The following CGNL1 variants were observed in gnomAD, a reference collection of about 807,000 sequenced individuals.
CGNL1 encodes the protein cingulin-like protein 1.
Under a neutral mutation model 141.2 loss-of-function variants are expected in CGNL1, and 132 were observed. That is an observed-to-expected ratio of 0.93 (90% CI 0.81 to 1.08). The LOEUF (loss-of-function observed/expected upper bound fraction) is 1.08, where lower values mean the gene tolerates loss of function less well. Among genes scored for constraint, CGNL1 ranks in the 50% least tolerant of loss-of-function variants. The pLI, the probability that CGNL1 is intolerant of heterozygous loss-of-function variation, is 0.00. For synonymous variants in CGNL1, 690 were observed against 622.1 expected, an observed-to-expected ratio of 1.11 and a Z score of -1.63; for missense variants, 1,870 against 1,588.6, an observed-to-expected ratio of 1.18 and a Z score of -3.01.
At position 57,438,735 on chromosome 15, in the gene CGNL1, G is replaced by A; in HGVS notation, c.736G>A (p.Gly246Arg). 6.2e-7 allele frequency: 1 copy of A among 1,614,126 alleles called. No homozygotes were observed. ...NVQSCTKERVGEEALFTSGRP... is the reference protein window; with the variant it reads ...NVQSCTKERVREEALFTSGRP... ...TCAGAGCTGCACCAAGGAGAGGGTG[G>A]GAGAGGAGGCCCTTTTCACTAGCGG... The change falls in exon 2 of 19, where the codon GGA becomes AGA. Residue 246 changes from glycine (G) to arginine (R), a missense_variant. Gly to Arg is a moderately radical substitution (Grantham distance 125). Transcript: ENST00000281282.
intron 1 of CGNL1, among the ~76,000 whole-genome samples, chr15:57,391,167 T>G (rs943318743): frequency 1.3e-5 from 2 of 152,194 alleles, no homozygotes; most frequent in Non-Finnish European, 2.9e-5. Context: ...CTAGGGTCTG[T>G]CTTTCCACAC....
chr15:57,395,687 G>A lies in CGNL1; in HGVS notation c.-16+19120G>A, dbSNP rs76564594. Among the ~76,000 whole-genome samples, 1,078 of 152,330 alleles carry A rather than the reference G, an allele frequency of 7.1e-3. 10 individuals carry two copies. Among genetic ancestry groups the A allele is most frequent in the African/African-American group, 0.025 (1,021 of 41,558 alleles). On this transcript the variant is annotated intron_variant, in intron 1 of 18. Coordinates refer to ENST00000281282, the MANE Select transcript of CGNL1 (RefSeq NM_032866.5). ...GGCTCTACCTTGTGCTGGGCACTAC[G>A]TTAAGCACGCTATGTGCATTGCCTA...
intron 8 of CGNL1, among the ~76,000 whole-genome samples, chr15:57,514,278 A>T (rs760197843): frequency 6.6e-6 from 1 of 151,924 alleles, no homozygotes; most frequent in Non-Finnish European, 1.5e-5. Flanking sequence ...CAGCATCCCA[A>T]TTAGCTGGGA....
At chr15:57,425,631 C>T (rs768235274) in intron 1 of CGNL1, among the ~76,000 whole-genome samples, 1 of 151,154 alleles carries the variant, frequency 6.6e-6, no homozygotes, top group African/African-American at 2.4e-5. Context: ...GTCCCAGCTA[C>T]TTGGGAGGCT....
At chr15:57,460,294 G>T (rs2063429323) in intron 7 of CGNL1, among the ~76,000 whole-genome samples, 1 of 152,186 alleles carries the variant, frequency 6.6e-6, no homozygotes, top group Non-Finnish European at 1.5e-5. Flanking sequence ...GACTGTCTTG[G>T]TAGAGCAGGG....
intron 1 of CGNL1, among the ~76,000 whole-genome samples, chr15:57,396,362 C>T (rs1156892337): frequency 1.3e-5 from 2 of 151,648 alleles, no homozygotes; most frequent in African/African-American, 4.9e-5. Flanking sequence ...GCAACCTCCA[C>T]CTCTGGGTTC....
chr15:57,498,461 T>G (rs2063975697), intron 8 of CGNL1, among the ~76,000 whole-genome samples: 1 of 152,090 alleles, frequency 6.6e-6, no homozygotes, highest in African/African-American at 2.4e-5. Flanking sequence ...CACCTTGGCC[T>G]CCCAAAGTGC....
chr15:57,546,029 G>C (rs754340482), intron 17 of CGNL1, 47 bp from the exon 18 acceptor site: 9 of 1,585,636 alleles, frequency 5.7e-6, no homozygotes, highest in Non-Finnish European at 5.2e-6. Context: ...TGAGCGCTGG[G>C]GCTGGGCCAT....
chr15:57,403,157 G>C (rs565839856), intron 1 of CGNL1, among the ~76,000 whole-genome samples: 16 of 152,246 alleles, frequency 1.1e-4, no homozygotes, highest in South Asian at 8.3e-4. Flanking sequence ...AGCTATTGAC[G>C]AAGGGGTCTG....
intron 1 of CGNL1, among the ~76,000 whole-genome samples, chr15:57,384,600 A>C (rs1052643943): frequency 6.6e-6 from 1 of 152,190 alleles, no homozygotes; most frequent in African/African-American, 2.4e-5. Context: ...GATAGCCTGT[A>C]TATGCCTTTA....
Position 57,380,243 on chromosome 15 carries a change from A to G in CGNL1, c.-16+3676A>G, listed in dbSNP as rs1395950595. On this transcript the variant is annotated intron_variant, in intron 1 of 18. Coordinates refer to ENST00000281282, the MANE Select transcript of CGNL1 (RefSeq NM_032866.5). Reference sequence around the variant, plus strand: ...GAGATGGGGTTTCACCATGTTGGCCAGGCTGGTCTCGAACTCCTGACCTCA... The same window carrying G: ...GAGATGGGGTTTCACCATGTTGGCCGGGCTGGTCTCGAACTCCTGACCTCA... 3.9e-5 allele frequency among the ~76,000 whole-genome samples: 6 copies of G among 152,258 alleles called. No individual in the cohort carries two copies. The East Asian group carries it at 1.2e-3, about 29-fold the overall frequency.
intron 1 of CGNL1, among the ~76,000 whole-genome samples, chr15:57,388,760 G>GA (rs2062510919): frequency 6.6e-6 from 1 of 152,200 alleles, no homozygotes; most frequent in South Asian, 2.1e-4. Flanking sequence ...AGTTCTCCGA[G>GA]GGAGAGAATA....
At chr15:57,425,487 A>G (rs755825586) in intron 1 of CGNL1, among the ~76,000 whole-genome samples, 9 of 152,256 alleles carry the variant, frequency 5.9e-5, no homozygotes, top group Non-Finnish European at 1.2e-4. Flanking sequence ...CACGCCTTGT[A>G]ATCTCAGCAC....
chr15:57,518,969 T>C (rs908546987), intron 10 of CGNL1, among the ~76,000 whole-genome samples: 21 of 152,236 alleles, frequency 1.4e-4, no homozygotes, highest in African/African-American at 5.1e-4. Flanking sequence ...AGAAGCCAAT[T>C]TCCTTTCTCC....
At position 57,523,575 on chromosome 15, in the gene CGNL1, G is replaced by C. The variant is rs566091148; in HGVS notation, c.2802G>C (p.Arg934Ser). 1.5e-5 allele frequency: 24 copies of C among 1,614,224 alleles called. No individual in the cohort carries two copies. The East Asian group carries it at 4.9e-4, about 33-fold the overall frequency. ...EESEQKEQLR[R>S]LKNEMENERW... ...GTGAGCAGAAGGAGCAGCTAAGAAG[G>C]TTGAAGAACGAGATGGAGAATGAGC... is the stretch of plus-strand genomic sequence containing the variant. The change falls in exon 11 of 19, where the codon AGG (arginine) becomes AGC (serine). Residue 934 changes from arginine (R) to serine (S), a missense_variant. Coordinates refer to ENST00000281282, the MANE Select transcript of CGNL1 (RefSeq NM_032866.5).
intron 8 of CGNL1, among the ~76,000 whole-genome samples, chr15:57,512,840 T>A (rs7166298): frequency 0.029 from 4,418 of 152,202 alleles, 201 homozygotes; most frequent in African/African-American, 0.1. Flanking sequence ...TTGAGCCTCT[T>A]CTTCCCCTCT....
rs1437770712 is a variant in CGNL1, at chr15:57,534,851, G to A, written c.3291+3072G>A. On this transcript the variant is annotated intron_variant, in intron 14 of 18. Transcript: ENST00000281282. ...AATGCATGGGATATTTTAGTTTGGTGATCTTGTTCTCTTTAAATTAAAAGG... is the reference window on the plus strand; with the variant it reads ...AATGCATGGGATATTTTAGTTTGGTAATCTTGTTCTCTTTAAATTAAAAGG... Among the ~76,000 whole-genome samples the A allele has an allele frequency of 2.8e-4, 42 of 152,180 alleles. 1 individual carries two copies. The highest frequency in any genetic ancestry group is 2.7e-3 in the Admixed American group (42 of 15,282).
Position 57,500,331 on chromosome 15 carries a change from G to C in CGNL1, c.2404-16449G>C, listed in dbSNP as rs186184316. 1.5e-4 allele frequency among the ~76,000 whole-genome samples: 23 copies of C among 152,326 alleles called. No individual in the cohort carries two copies. The East Asian group carries it at 4.4e-3, about 29-fold the overall frequency. ...TTGGGAATGGTGCTGCCATTGTCAG[G>C]GAGTGGGAGAGGAATTACTTACGTT... On this transcript the variant is annotated intron_variant, in intron 8 of 18. Transcript: ENST00000281282.
At chr15:57,539,009 A>G (rs2032420812) in intron 14 of CGNL1, among the ~76,000 whole-genome samples, 1 of 152,106 alleles carries the variant, frequency 6.6e-6, no homozygotes, top group African/African-American at 2.4e-5. Flanking sequence ...TCAGGGTGAT[A>G]ACATCTGCCT....
Sources: allele counts gnomAD v4.1 joint callset (sites outside exome capture counted in the v4.1 genomes callset), GRCh38; gene constraint gnomAD v4.1.1; transcripts MANE v1.5; gene names NCBI Gene and HGNC (gene_info 2026-07-23, HGNC 2026-07-21).